The following RBFOX1 variants were observed in gnomAD, a reference collection of about 807,000 sequenced individuals.
The protein encoded by RBFOX1 is RNA binding fox-1 homolog 1.
A neutral mutation model predicts 57.7 loss-of-function variants in RBFOX1; 8 were observed. The observed-to-expected ratio is 0.14, with a 90% CI of 0.08 to 0.25. The LOEUF is 0.25. RBFOX1 is among the 10% of genes least tolerant of loss of function. The probability of loss-of-function intolerance (pLI) is 1.00; values close to 1 mark genes in which losing one functional copy is unlikely to be tolerated. For synonymous variants in RBFOX1, 326 were observed against 222.4 expected (o/e 1.47, Z -4.15); for missense variants, 611 against 548.5 (o/e 1.11, Z -1.14).
At chr16:7,319,058 G>A (rs1268166455) in intron 4 of RBFOX1, among the ~76,000 whole-genome samples, 1 of 152,120 alleles carries the variant, frequency 6.6e-6, no homozygotes, top group African/African-American at 2.4e-5. Context: ...TAACTCCAGT[G>A]CCAATTTTTT....
intron 9 of RBFOX1, among the ~76,000 whole-genome samples, chr16:7,598,500 TAA>T (rs768856281): frequency 4.7e-5 from 7 of 150,204 alleles, no homozygotes; most frequent in African/African-American, 1.7e-4. Context: ...TTTTTTAAAG[TAA>T]AAAAAAAATT....
At chr16:7,299,962 G>A (rs973052025) in intron 4 of RBFOX1, among the ~76,000 whole-genome samples, 1 of 152,196 alleles carries the variant, frequency 6.6e-6, no homozygotes, top group African/African-American at 2.4e-5. Context: ...GCAAGTCAGG[G>A]ACCATCTGTA....
intron 1 of RBFOX1, among the ~76,000 whole-genome samples, chr16:6,117,469 A>G (rs565680513): frequency 6.6e-6 from 1 of 152,244 alleles, no homozygotes; most frequent in Non-Finnish European, 1.5e-5. Flanking sequence ...ATGTGATAGG[A>G]TTAAGAGGTG....
intron 4 of RBFOX1, among the ~76,000 whole-genome samples, chr16:5,874,922 G>T (rs147626956): frequency 1.5e-3 from 233 of 152,244 alleles, no homozygotes; most frequent in African/African-American, 5.3e-3. Context: ...CCCCTGTCTT[G>T]GTGACAGAGC....
At chr16:6,901,674 A>T (rs1010809620) in intron 3 of RBFOX1, among the ~76,000 whole-genome samples, 2 of 152,156 alleles carry the variant, frequency 1.3e-5, no homozygotes, top group African/African-American at 4.8e-5. Flanking sequence ...AGCATACAGA[A>T]TTTTCTGTTG....
At chr16:6,015,229 A>G (rs1431819523), upstream of RBFOX1, among the ~76,000 whole-genome samples, 1 of 152,110 alleles carries the variant, frequency 6.6e-6, no homozygotes, top group Non-Finnish European at 1.5e-5. Context: ...ATTCTGTTTA[A>G]TATATCACTG....
chr16:6,557,048 TATATATAC>T (rs956391183), intron 2 of RBFOX1, among the ~76,000 whole-genome samples: 2 of 121,180 alleles, frequency 1.7e-5, no homozygotes, highest in African/African-American at 4.7e-5. Flanking sequence ...TATATATACA[TATATATAC>T]ATATATACAT....
intron 1 of RBFOX1, among the ~76,000 whole-genome samples, chr16:5,459,646 C>T (rs1395032790): frequency 6.6e-6 from 1 of 151,974 alleles, no homozygotes; most frequent in African/African-American, 2.4e-5. Context: ...AAGAATCGTC[C>T]TTCACCAAAA....
intron 4 of RBFOX1, among the ~76,000 whole-genome samples, chr16:5,957,360 A>G (rs990217512): frequency 1.3e-5 from 2 of 152,180 alleles, no homozygotes; most frequent in African/African-American, 2.4e-5. Flanking sequence ...GATTATAGGC[A>G]TGTGCCACCA....
intron 2 of RBFOX1, among the ~76,000 whole-genome samples, chr16:5,597,720 C>G (rs1335924223): frequency 6.6e-6 from 1 of 152,078 alleles, no homozygotes; most frequent in Non-Finnish European, 1.5e-5. Context: ...GAGGCAGGAG[C>G]AGTTCCCTAG....
intron 2 of RBFOX1, among the ~76,000 whole-genome samples, chr16:5,477,808 G>T (rs79754553): frequency 6.6e-6 from 1 of 152,070 alleles, no homozygotes. Flanking sequence ...GCAAAATGAC[G>T]TGTTGTCTCA....
At chr16:5,666,374 G>A (rs915568944) in intron 3 of RBFOX1, among the ~76,000 whole-genome samples, 1 of 152,152 alleles carries the variant, frequency 6.6e-6, no homozygotes, top group Non-Finnish European at 1.5e-5. Context: ...AGAGCTCACG[G>A]GAGCCTCTGG....
chr16:5,530,863 G>A (rs1261457980), intron 2 of RBFOX1, among the ~76,000 whole-genome samples: 4 of 146,014 alleles, frequency 2.7e-5, no homozygotes, highest in Admixed American at 1.4e-4. Flanking sequence ...CTAGGTGGGC[G>A]GATCATCTGA....
chr16:7,375,446 A>T (rs191260991), intron 4 of RBFOX1, among the ~76,000 whole-genome samples: 1 of 152,254 alleles, frequency 6.6e-6, no homozygotes, highest in East Asian at 1.9e-4. Flanking sequence ...ATGGAATCTC[A>T]ATCCAGGAAA....
At chr16:7,358,525 A>C (rs758221968) in intron 4 of RBFOX1, among the ~76,000 whole-genome samples, 1 of 152,042 alleles carries the variant, frequency 6.6e-6, no homozygotes, top group Non-Finnish European at 1.5e-5. Flanking sequence ...GGTTCAAGCA[A>C]TTCTCTTGCC....
chr16:7,376,086 T>C (rs1416285877), intron 4 of RBFOX1, among the ~76,000 whole-genome samples: 1 of 152,226 alleles, frequency 6.6e-6, no homozygotes, highest in Non-Finnish European at 1.5e-5. Flanking sequence ...AAAGGGAGTG[T>C]ACATTTCTAA....
intron 10 of RBFOX1, among the ~76,000 whole-genome samples, chr16:7,613,837 G>A (rs1010458455): frequency 1.3e-5 from 2 of 152,106 alleles, no homozygotes; most frequent in African/African-American, 4.8e-5. Flanking sequence ...TAGCATCTGA[G>A]AAAAGTTAAG....
At chr16:6,797,334 C>T (rs1055662991) in intron 3 of RBFOX1, among the ~76,000 whole-genome samples, 3 of 152,000 alleles carry the variant, frequency 2.0e-5, no homozygotes, top group African/African-American at 4.8e-5. Context: ...TGAATGTGGG[C>T]AAAGGTGAAA....
chr16:6,908,927 T>G (rs1305036742), intron 3 of RBFOX1, among the ~76,000 whole-genome samples: 3 of 152,196 alleles, frequency 2.0e-5, no homozygotes, highest in South Asian at 4.1e-4. Context: ...GCTGCTAGGA[T>G]AATTTGGCAT....
Sources: allele counts gnomAD v4.1 joint callset (sites outside exome capture counted in the v4.1 genomes callset), GRCh38; gene constraint gnomAD v4.1.1; transcripts MANE v1.5; gene names NCBI Gene and HGNC (gene_info 2026-07-23, HGNC 2026-07-21).